VPS16: variants seen among roughly 807,000 people sequenced by gnomAD.
VPS16 encodes vacuolar protein sorting-associated protein 16 homolog.
A neutral mutation model predicts 116.0 loss-of-function variants in VPS16; 82 were observed. That is an observed-to-expected ratio of 0.71 (90% CI 0.59 to 0.85). VPS16 has a LOEUF of 0.85. Ranked by LOEUF, VPS16 falls within the 40% of genes least tolerant of loss-of-function variation. The probability of loss-of-function intolerance (pLI) is 0.00; values close to 1 mark genes in which losing one functional copy is unlikely to be tolerated. For synonymous variants in VPS16, 406 were observed against 420.7 expected (o/e 0.96, Z 0.43); for missense variants, 928 against 1,090.6 (o/e 0.85, Z 2.10).
chr20:2,842,801 T>G (rs1047236753), intron 1 of VPS16, among the ~76,000 whole-genome samples: 13 of 268 alleles, frequency 0.049, no homozygotes, highest in Admixed American at 0.079. Flanking sequence ...TAGATAGACA[T>G]ATAGATGTAT....
chr20:2,866,196 C>T lies in VPS16; in HGVS notation c.2272-16C>T. On this transcript the variant is annotated splice_polypyrimidine_tract_variant and intron_variant, in intron 22 of 23. Transcript: ENST00000380445. Reference sequence around the variant, plus strand: ...GTGCATTACCTTCTCCCTCCACCCGCTTCCTCTCCTCCAAGCCTTTTGTGG... The same window carrying T: ...GTGCATTACCTTCTCCCTCCACCCGTTTCCTCTCCTCCAAGCCTTTTGTGG... 6.2e-7 allele frequency: 1 copy of T among 1,613,404 alleles called. No homozygotes were observed. Among genetic ancestry groups the T allele is most frequent in the Non-Finnish European group, 8.5e-7 (1 of 1,179,490 alleles).
At chr20:2,840,904 G>C (rs2088961950) in intron 1 of VPS16, 77 bp downstream of exon 1, 6 of 1,426,922 alleles carry the variant, frequency 4.2e-6, no homozygotes, top group Non-Finnish European at 4.7e-6. Context: ...GGCGGCGTTC[G>C]CCCCTGTCAC....
chr20:2,862,652 A>C lies in VPS16; in HGVS notation c.1145A>C (p.Gln382Pro). ...GGCCAGCTGACCCAGGCCGTGCAGC[A>C]GTGCATTGAGGCTGCAGGACATGAG... is the stretch of plus-strand genomic sequence containing the variant. Reference protein sequence around the residue: ...ELGQLTQAVQQCIEAAGHEHQ... With the variant: ...ELGQLTQAVQPCIEAAGHEHQ... The change falls in exon 12 of 24, where the codon CAG becomes CCG. Residue 382 changes from glutamine (Q) to proline (P), a missense_variant. Transcript: ENST00000380445. 1 of 1,608,832 alleles carries C rather than the reference A, an allele frequency of 6.2e-7. No homozygotes were observed. The highest frequency in any genetic ancestry group is 8.5e-7 in the Non-Finnish European group (1 of 1,178,854).
At chr20:2,842,385 G>T (rs900076375) in intron 1 of VPS16, among the ~76,000 whole-genome samples, 2 of 152,042 alleles carry the variant, frequency 1.3e-5, no homozygotes, top group African/African-American at 4.8e-5. Flanking sequence ...GGAGGCCAAG[G>T]TGGGTGAATC....
At position 2,860,681 on chromosome 20, in the gene VPS16, A is replaced by G. The variant is rs1210907704; in HGVS notation, c.515-67A>G. 9 of 1,610,586 alleles carry G rather than the reference A, an allele frequency of 5.6e-6. No homozygotes were observed. The highest frequency in any genetic ancestry group is 1.6e-4 in the Middle Eastern group (1 of 6,070). On this transcript the variant is annotated intron_variant, in intron 5 of 23. Transcript: ENST00000380445. This position sits in a 1 kb window ranked among gnomAD's most constrained non-coding sequence, Gnocchi z 6.1. ...ACCCATAAAAACAGAAGCTGTGGCT[A>G]GAGACCCATAGAAACAGAAACGGTG...
chr20:2,848,764 A>G (rs1479270401), intron 1 of VPS16, among the ~76,000 whole-genome samples: 2 of 152,232 alleles, frequency 1.3e-5, no homozygotes, highest in Non-Finnish European at 2.9e-5. Flanking sequence ...TGGATAGAGC[A>G]TTCTGTAAAT....
chr20:2,859,910 C>T (rs937492207), intron 2 of VPS16, 103 bp downstream of exon 2: 10 of 1,469,284 alleles, frequency 6.8e-6, no homozygotes, highest in Middle Eastern at 1.8e-4. Context: ...TGCCACCCCC[C>T]ACTCACCCTG....
At position 2,864,779 on chromosome 20, in the gene VPS16, G is replaced by C; in HGVS notation, c.1926+125G>C. 1.7e-6 allele frequency: 2 copies of C among 1,195,326 alleles called. No individual in the cohort carries two copies. Among genetic ancestry groups the C allele is most frequent in the Non-Finnish European group, 1.2e-6 (1 of 830,814 alleles). 74.0% of individuals were successfully genotyped at this position (1,195,326 alleles called of 1,614,324 possible). ...TCCATCTGGTCCTCACTGTGAGGGA[G>C]ACTCTGACGTGAGGCCAGGATGGGG... On this transcript the variant is annotated intron_variant, in intron 19 of 23. Transcript: ENST00000380445. The surrounding 1 kb of genome is among the most constrained non-coding windows in gnomAD (Gnocchi z 5.2).
intron 1 of VPS16, among the ~76,000 whole-genome samples, chr20:2,855,122 G>A (rs1363280234): frequency 6.6e-5 from 10 of 151,692 alleles, no homozygotes; most frequent in African/African-American, 2.2e-4. Flanking sequence ...CACCATGCCC[G>A]GCTAATTTTT....
intron 1 of VPS16, among the ~76,000 whole-genome samples, chr20:2,845,925 A>T (rs2089054776): frequency 6.6e-6 from 1 of 152,130 alleles, no homozygotes; most frequent in East Asian, 1.9e-4. Flanking sequence ...TATCCATGTT[A>T]TAGCATGTGT....
intron 10 of VPS16, 67 bp downstream of exon 10, chr20:2,861,966 G>A: frequency 6.2e-7 from 1 of 1,605,548 alleles, no homozygotes; most frequent in South Asian, 1.1e-5. Context: ...GCTGCCCTGG[G>A]CCAGTGCCAC....
In VPS16 at chr20:2,861,094, T is replaced by C; in HGVS notation, c.753+2T>C. On this transcript the variant is annotated splice_donor_variant, in intron 7 of 23. Transcript: ENST00000380445. LOFTEE classifies it high-confidence loss of function. The stretch of plus-strand genomic sequence containing the variant: ...TGGATGGGGACAGCATCACTCAAGG[T>C]ATGATCCTGGGGCAACACAGGGGTA... 6.2e-7 allele frequency: 1 copy of C among 1,614,172 alleles called. No homozygotes were observed. Among genetic ancestry groups the C allele is most frequent in the Non-Finnish European group, 8.5e-7 (1 of 1,180,028 alleles).
At chr20:2,846,752 G>A (rs1164045267) in intron 1 of VPS16, among the ~76,000 whole-genome samples, 1 of 152,238 alleles carries the variant, frequency 6.6e-6, no homozygotes, top group Non-Finnish European at 1.5e-5. Context: ...TCACTCAAGG[G>A]TCTTCTCACA....
intron 1 of VPS16, among the ~76,000 whole-genome samples, chr20:2,858,959 A>G (rs922166694): frequency 2.6e-5 from 4 of 152,178 alleles, no homozygotes; most frequent in African/African-American, 9.7e-5. Context: ...ATCAATAAGC[A>G]TAGAGCTGAA....
At position 2,863,404 on chromosome 20, in the gene VPS16, G is replaced by A; in HGVS notation, c.1476+6G>A. ...CCCACTGGGCCTGCTACAAGGCAAGGATGTGGGATGGGGTCCAAGGGCATT... is the reference window on the plus strand; with the variant it reads ...CCCACTGGGCCTGCTACAAGGCAAGAATGTGGGATGGGGTCCAAGGGCATT... On this transcript the variant is annotated splice_donor_region_variant and intron_variant, in intron 15 of 23. Coordinates refer to ENST00000380445, the MANE Select transcript of VPS16 (RefSeq NM_022575.4). This position sits in a 1 kb window ranked among gnomAD's most constrained non-coding sequence, Gnocchi z 4.4. 6.2e-7 allele frequency: 1 copy of A among 1,613,872 alleles called. No homozygotes were observed. Among genetic ancestry groups the A allele is most frequent in the South Asian group, 1.1e-5 (1 of 91,080 alleles).
chr20:2,852,321 C>G (rs558637393), intron 1 of VPS16, among the ~76,000 whole-genome samples: 1 of 152,030 alleles, frequency 6.6e-6, no homozygotes, highest in Non-Finnish European at 1.5e-5. Flanking sequence ...TTAACATGCT[C>G]ACTATAAAGG....
At position 2,863,427 on chromosome 20, in the gene VPS16, AT is replaced by A. The variant is rs1423411189; in HGVS notation, c.1476+32del. 1.9e-6 allele frequency: 3 copies of A among 1,605,044 alleles called. No homozygotes were observed. The highest frequency in any genetic ancestry group is 2.6e-6 in the Non-Finnish European group (3 of 1,172,104). ...AGGATGTGGGATGGGGTCCAAGGGC[AT>A]TTAGAGGATTCCAGGCCCTGGTGAG... On this transcript the variant is annotated intron_variant, in intron 15 of 23. Transcript: ENST00000380445. The surrounding 1 kb of genome is among the most constrained non-coding windows in gnomAD (Gnocchi z 4.4).
Position 2,861,846 on chromosome 20 carries a change from A to T in VPS16, c.941A>T (p.Asp314Val), listed in dbSNP as rs1436501884. 1.2e-6 allele frequency: 2 copies of T among 1,613,916 alleles called. No homozygotes were observed. Among genetic ancestry groups the T allele is most frequent in the Non-Finnish European group, 1.7e-6 (2 of 1,179,948 alleles). Residue 314 changes from aspartate (D) to valine (V), a missense_variant, in exon 10 of 24, where the codon GAT becomes GTT. Physicochemically the swap from Asp to Val is radical, Grantham distance 152. Coordinates refer to ENST00000380445, the MANE Select transcript of VPS16 (RefSeq NM_022575.4). Reference sequence around the variant, plus strand: ...GACTCCTACCTGGTGCCTGAGCTCGATGGGGTCCGCATCTTCTCCCGCAGC... The same window carrying T: ...GACTCCTACCTGGTGCCTGAGCTCGTTGGGGTCCGCATCTTCTCCCGCAGC... ...DEDSYLVPEL[D>V]GVRIFSRSTH...
chr20:2,860,490 C>T lies in VPS16; in HGVS notation c.411C>T (p.His137=), dbSNP rs548944905. Reference sequence around the variant, plus strand: ...GGGTTCTGGATGCCCGGATCTTTCACACTGAGTTTGGTTCCGGAGTGGCCA... The same window carrying T: ...GGGTTCTGGATGCCCGGATCTTTCATACTGAGTTTGGTTCCGGAGTGGCCA... ...QNRVLDARIF[H]TEFGSGVAIL... The change falls in exon 5 of 24, where the codon CAC becomes CAT. Residue 137 remains histidine, a synonymous_variant. Coordinates refer to ENST00000380445, the MANE Select transcript of VPS16 (RefSeq NM_022575.4). The surrounding 1 kb of genome is among the most constrained non-coding windows in gnomAD (Gnocchi z 6.1). 1.1e-5 allele frequency: 18 copies of T among 1,613,980 alleles called. No homozygotes were observed. Among genetic ancestry groups the T allele is most frequent in the Admixed American group, 5.0e-5 (3 of 60,000 alleles).
Sources: allele counts gnomAD v4.1 joint callset (sites outside exome capture counted in the v4.1 genomes callset), GRCh38; gene constraint gnomAD v4.1.1; non-coding constraint Gnocchi (gnomAD v3.1); transcripts MANE v1.5; gene names NCBI Gene and HGNC (gene_info 2026-07-23, HGNC 2026-07-21).